The following JCAD variants were observed in gnomAD, a reference collection of about 807,000 sequenced individuals.
JCAD encodes the protein junctional cadherin 5 associated.
A neutral mutation model predicts 98.0 loss-of-function variants in JCAD; 40 were observed. The ratio of observed to expected loss-of-function variants is 0.41; its 90% CI spans 0.32 to 0.53. The LOEUF is 0.53. Ranked by LOEUF, JCAD falls within the 20% of genes least tolerant of loss-of-function variation. The pLI is 0.31. For synonymous variants in JCAD, 691 were observed against 682.3 expected, an observed-to-expected ratio of 1.01 and a Z score of -0.20; for missense variants, 1,705 against 1,738.1, an observed-to-expected ratio of 0.98 and a Z score of 0.34.
At chr10:30,019,551 T>TAA (rs67228973) in intron 3 of JCAD, among the ~76,000 whole-genome samples, 6,801 of 141,278 alleles carry the variant, frequency 0.048, 265 homozygotes, top group African/African-American at 0.1. Flanking sequence ...TGGAATCATT[T>TAA]AAAAAAAAAA....
chr10:30,032,963 G>A (rs909955754), intron 2 of JCAD, among the ~76,000 whole-genome samples: 74 of 152,274 alleles, frequency 4.9e-4, no homozygotes, highest in African/African-American at 1.7e-3. Context: ...CAGGTGTTAA[G>A]TAACTTGCTT....
chr10:30,086,015 T>C (rs146718970), intron 1 of JCAD, among the ~76,000 whole-genome samples: 1 of 152,328 alleles, frequency 6.6e-6, no homozygotes, highest in Non-Finnish European at 1.5e-5. Context: ...TAAAACTCTG[T>C]ATATGTCTGT....
chr10:30,071,189 G>A (rs1159977800), intron 1 of JCAD, among the ~76,000 whole-genome samples: 1 of 152,218 alleles, frequency 6.6e-6, no homozygotes, highest in Non-Finnish European at 1.5e-5. Context: ...ACAGGCATAA[G>A]CCACCACGCC....
At chr10:30,073,411 A>C (rs1214341826) in intron 1 of JCAD, among the ~76,000 whole-genome samples, 1 of 152,244 alleles carries the variant, frequency 6.6e-6, no homozygotes, top group Non-Finnish European at 1.5e-5. Flanking sequence ...TTGTGTGAGA[A>C]TGAATGAGAG....
upstream of JCAD, among the ~76,000 whole-genome samples, chr10:30,060,887 A>G (rs1413038183): frequency 2.0e-5 from 3 of 152,196 alleles, no homozygotes; most frequent in East Asian, 1.9e-4. Flanking sequence ...CTCTTGAATC[A>G]TATGTTCCTC....
At chr10:30,075,641 G>A (rs565426436) in intron 1 of JCAD, among the ~76,000 whole-genome samples, 1 of 152,312 alleles carries the variant, frequency 6.6e-6, no homozygotes, top group East Asian at 1.9e-4. Context: ...AATGAAGCCA[G>A]TGTCACATCA....
intron 1 of JCAD, among the ~76,000 whole-genome samples, chr10:30,113,527 G>A (rs1838741614): frequency 1.5e-5 from 2 of 135,050 alleles, no homozygotes; most frequent in South Asian, 4.7e-4. Context: ...CTCCAGCCTG[G>A]GCGACAGAGC....
intron 1 of JCAD, among the ~76,000 whole-genome samples, chr10:30,079,527 C>A (rs918306351): frequency 6.6e-6 from 1 of 152,094 alleles, no homozygotes; most frequent in Non-Finnish European, 1.5e-5. Flanking sequence ...TCTACTCAAT[C>A]ACCATTGCCC....
intron 3 of JCAD, among the ~76,000 whole-genome samples, chr10:30,023,248 C>T (rs1455294374): frequency 6.6e-6 from 1 of 152,090 alleles, no homozygotes; most frequent in Non-Finnish European, 1.5e-5. Flanking sequence ...ACGTTGGCCA[C>T]ACCAGTCTTG....
intron 2 of JCAD, among the ~76,000 whole-genome samples, chr10:30,037,763 CTTGAG>C (rs1837145402): frequency 6.6e-6 from 1 of 151,972 alleles, no homozygotes; most frequent in African/African-American, 2.4e-5. Flanking sequence ...TTCAAAGGCA[CTTGAG>C]TTATCAACGT....
At chr10:30,061,318 G>A (rs1004404577), upstream of JCAD, among the ~76,000 whole-genome samples, 7 of 152,150 alleles carry the variant, frequency 4.6e-5, no homozygotes, top group Non-Finnish European at 1.0e-4. Context: ...CAAGGCAGGC[G>A]GATCACCGGA....
In JCAD at chr10:30,029,699, C is replaced by G. The variant is rs373963529; in HGVS notation, c.449G>C (p.Arg150Thr). 6 of 1,614,152 alleles carry G rather than the reference C, an allele frequency of 3.7e-6. No individual in the cohort carries two copies. The African/African-American group carries it at 8.0e-5, about 22-fold the overall frequency. The stretch of plus-strand genomic sequence containing the variant: ...TCCTCCAACTTCCCATGGACCCTCC[C>G]TCACGTGGACAGGCAGGCTGTGGGC... ...AQAHSLPVHV[R>T]EGPWEVGGRS... Residue 150 changes from arginine (R) to threonine (T), a missense_variant, in exon 3 of 4, where the codon AGG becomes ACG. By Grantham distance (71) the Arg-to-Thr change is moderately conservative. Transcript: ENST00000375377.
intron 1 of JCAD, among the ~76,000 whole-genome samples, chr10:30,073,444 C>T (rs574424211): frequency 3.9e-5 from 6 of 152,336 alleles, no homozygotes; most frequent in African/African-American, 1.4e-4. Context: ...CCTCGAACAT[C>T]ATGGCACTCT....
rs1054188546 is a variant in JCAD at position 30,028,253 on chromosome 10, A to C, written c.1895T>G (p.Leu632Arg). ...QSLLSMSSTDLELQALTGSMG... is the reference protein window; with the variant it reads ...QSLLSMSSTDRELQALTGSMG... Reference sequence around the variant, plus strand: ...GCTTCCTGTGAGGGCCTGCAGCTCCAGGTCGGTGGAAGACATGCTCAGCAG... The same window carrying C: ...GCTTCCTGTGAGGGCCTGCAGCTCCCGGTCGGTGGAAGACATGCTCAGCAG... The change falls in exon 3 of 4, where the codon CTG (leucine) becomes CGG (arginine). Residue 632 changes from leucine to arginine, a missense_variant. By Grantham distance (102) the Leu-to-Arg change is moderately radical. Coordinates refer to ENST00000375377, the MANE Select transcript of JCAD (RefSeq NM_020848.4). 1 of 1,614,084 alleles carries C rather than the reference A, an allele frequency of 6.2e-7. No homozygotes were observed. The highest frequency in any genetic ancestry group is 8.5e-7 in the Non-Finnish European group (1 of 1,180,048).
At chr10:30,091,969 A>G (rs1298681259) in intron 1 of JCAD, among the ~76,000 whole-genome samples, 1 of 132,092 alleles carries the variant, frequency 7.6e-6, no homozygotes, top group Non-Finnish European at 1.6e-5. Context: ...CAGAGGTTGC[A>G]GTGAGCCAAG....
At chr10:30,097,072 T>A (rs572253131) in intron 1 of JCAD, among the ~76,000 whole-genome samples, 2 of 152,148 alleles carry the variant, frequency 1.3e-5, no homozygotes, top group African/African-American at 2.4e-5. Flanking sequence ...ATGTAGACCA[T>A]CCTATCCACA....
intron 1 of JCAD, among the ~76,000 whole-genome samples, chr10:30,099,223 T>C (rs187585551): frequency 6.6e-6 from 1 of 152,292 alleles, no homozygotes; most frequent in East Asian, 1.9e-4. Context: ...TAAGACATCA[T>C]TGCAAAAGAA....
intron 2 of JCAD, among the ~76,000 whole-genome samples, chr10:30,065,240 G>A (rs924245899): frequency 1.3e-5 from 2 of 152,132 alleles, no homozygotes; most frequent in African/African-American, 4.8e-5. Flanking sequence ...AAAATAGCTG[G>A]AAGAGAATAC....
At chr10:30,020,757 G>A (rs1836645886) in intron 3 of JCAD, among the ~76,000 whole-genome samples, 1 of 152,230 alleles carries the variant, frequency 6.6e-6, no homozygotes, top group Non-Finnish European at 1.5e-5. Flanking sequence ...CAGCCTCAGA[G>A]TGTTCACATT....
Sources: gnomAD v4.1 joint callset for allele counts (sites outside exome capture counted in the v4.1 genomes callset) on GRCh38, gnomAD v4.1.1 for gene constraint, MANE v1.5 for transcripts, NCBI Gene and HGNC (gene_info 2026-07-23, HGNC 2026-07-21) for gene names.